The following RANBP3 variants were observed in gnomAD, a reference collection of about 807,000 sequenced individuals.
RANBP3 encodes the protein ran-binding protein 3.
In RANBP3, 14 loss-of-function variants were observed where a neutral mutation model predicts 77.3. That is an observed-to-expected ratio of 0.18 (90% CI 0.12 to 0.28). RANBP3 has a LOEUF of 0.28. Among genes scored for constraint, RANBP3 ranks in the 10% least tolerant of loss-of-function variants. The pLI, the probability that RANBP3 is intolerant of heterozygous loss-of-function variation, is 1.00. For synonymous variants in RANBP3, 315 were observed against 312.4 expected (o/e 1.01, Z -0.09); for missense variants, 586 against 752.3 (o/e 0.78, Z 2.59).
At chr19:5,977,864 C>T (rs902488982) in intron 1 of RANBP3, among the ~76,000 whole-genome samples, 197 bp downstream of exon 1, 1 of 152,142 alleles carries the variant, frequency 6.6e-6, no homozygotes, top group Admixed American at 6.5e-5. Flanking sequence ...CTGGGGTTGC[C>T]GGGAGTGATG....
At chr19:5,951,684 C>T (rs2058278439) in intron 2 of RANBP3, 88 bp from the exon 3 acceptor site, 7 of 1,246,916 alleles carry the variant, frequency 5.6e-6, no homozygotes, top group Non-Finnish European at 7.9e-6. Context: ...GAGGCTGGAG[C>T]TGGCTCAGCT....
At chr19:5,976,929 C>T (rs1338514926) in intron 1 of RANBP3, among the ~76,000 whole-genome samples, 2 of 152,300 alleles carry the variant, frequency 1.3e-5, no homozygotes, top group Middle Eastern at 3.4e-3. Flanking sequence ...CTGTGTGACA[C>T]GCCTTGGATA....
At chr19:5,945,785 C>G (rs1433683154) in intron 3 of RANBP3, among the ~76,000 whole-genome samples, 2 of 152,024 alleles carry the variant, frequency 1.3e-5, no homozygotes, top group Non-Finnish European at 2.9e-5. Context: ...GCAGCATGTC[C>G]AGGTCAAGAG....
intron 8 of RANBP3, among the ~76,000 whole-genome samples, chr19:5,929,650 T>C (rs1042639368): frequency 6.6e-6 from 1 of 152,172 alleles, no homozygotes; most frequent in Non-Finnish European, 1.5e-5. Context: ...CCCCCATGGG[T>C]CGCCCCCAAC....
chr19:5,959,049 T>C lies in RANBP3; in HGVS notation c.23-1076A>G, dbSNP rs893513484. ...CGACGAAGGCACTCTGCTTGGGCATTGACCTGGTCTGCTCTGGAGTCCAGG... is the reference window on the plus strand; with the variant it reads ...CGACGAAGGCACTCTGCTTGGGCATCGACCTGGTCTGCTCTGGAGTCCAGG... On this transcript the variant is annotated intron_variant, in intron 1 of 16. Coordinates refer to ENST00000340578, the MANE Select transcript of RANBP3 (RefSeq NM_007322.3). The surrounding 1 kb of genome is among the most constrained non-coding windows in gnomAD (Gnocchi z 5.1). 6.6e-6 allele frequency among the ~76,000 whole-genome samples: 1 copy of C among 152,170 alleles called. No homozygotes were observed. Among genetic ancestry groups the C allele is most frequent in the African/African-American group, 2.4e-5 (1 of 41,452 alleles).
Position 5,923,841 on chromosome 19 carries a change from G to A in RANBP3, c.1070C>T (p.Ser357Phe). 1.9e-6 allele frequency: 3 copies of A among 1,614,092 alleles called. No homozygotes were observed. The highest frequency in any genetic ancestry group is 2.5e-6 in the Non-Finnish European group (3 of 1,179,978). The change falls in exon 12 of 17, where the codon TCC (serine) becomes TTC (phenylalanine). Residue 357 changes from serine to phenylalanine, a missense_variant. By Grantham distance (155) the Ser-to-Phe change is radical. This residue lies in a region of RANBP3 where 232 missense variants were observed against 271.7 expected (regional missense o/e 0.85). Transcript: ENST00000340578. Reference sequence around the variant, plus strand: ...CTCAGGGGTGGCCTCCTGGGACGAGGACTCAGACCCTGACTCGGCAGCTGC... The same window carrying A: ...CTCAGGGGTGGCCTCCTGGGACGAGAACTCAGACCCTGACTCGGCAGCTGC... ...ENAAAESGSE[S>F]SSQEATPEKE...
At chr19:5,932,662 A>C (rs559281908) in intron 6 of RANBP3, 118 bp from the exon 7 acceptor site, 51 of 721,346 alleles carry the variant, frequency 7.1e-5, no homozygotes, top group Non-Finnish European at 7.0e-6. Flanking sequence ...TTTGCAGGGA[A>C]GCACTTTTTT....
rs2058284269 is a variant in RANBP3 at position 5,952,156 on chromosome 19, A to C, written c.79-560T>G. On this transcript the variant is annotated intron_variant, in intron 2 of 16. Transcript: ENST00000340578. The surrounding 1 kb of genome is among the most constrained non-coding windows in gnomAD (Gnocchi z 4.1). Reference sequence around the variant, plus strand: ...AGCACTTTCCATTTGTTCTGCTTACACCCAGGATCCAGAAAGTGCTTTCCC... The same window carrying C: ...AGCACTTTCCATTTGTTCTGCTTACCCCCAGGATCCAGAAAGTGCTTTCCC... Among the ~76,000 whole-genome samples the C allele has an allele frequency of 6.6e-6, 1 of 152,102 alleles. No individual in the cohort carries two copies. Among genetic ancestry groups the C allele is most frequent in the South Asian group, 2.1e-4 (1 of 4,830 alleles).
chr19:5,932,898 G>A (rs2058013446), intron 6 of RANBP3: 1 of 325,584 alleles, frequency 3.1e-6, no homozygotes, highest in Non-Finnish European at 5.7e-6. Context: ...GTGGGGTCAC[G>A]TACAGGCACA....
chr19:5,938,488 G>A (rs907001481), intron 5 of RANBP3, among the ~76,000 whole-genome samples: 2 of 152,148 alleles, frequency 1.3e-5, no homozygotes, highest in African/African-American at 4.8e-5. Flanking sequence ...TCAGGAGTTC[G>A]AGACCAGCCT....
chr19:5,962,089 G>T (rs2145231150), intron 1 of RANBP3, among the ~76,000 whole-genome samples: 1 of 152,180 alleles, frequency 6.6e-6, no homozygotes, highest in Middle Eastern at 3.4e-3. Context: ...GGAGACCACG[G>T]CCACAGCAGC....
Position 5,923,378 on chromosome 19 carries a change from G to A in RANBP3, c.1100-75C>T, listed in dbSNP as rs537020671. ...AGCCATCTCCCCTCATCCGACAGGA[G>A]ATGAGAGGGTTGGTTCTGGTCTCAA... On this transcript the variant is annotated intron_variant, in intron 12 of 16. Transcript: ENST00000340578. 2.0e-5 allele frequency: 29 copies of A among 1,461,008 alleles called. No individual in the cohort carries two copies. In the African/African-American group the frequency reaches 3.5e-4, roughly 17 times the overall value. The allele number at this position is 1,461,008 out of a possible 1,614,324, so 90.5% of individuals were successfully genotyped here.
At chr19:5,945,586 T>C (rs920326040) in intron 3 of RANBP3, among the ~76,000 whole-genome samples, 1 of 152,190 alleles carries the variant, frequency 6.6e-6, no homozygotes, top group Non-Finnish European at 1.5e-5. Context: ...AAGTCCTGTT[T>C]CCTTACTGAT....
chr19:5,941,608 T>G lies in RANBP3; in HGVS notation c.406+13A>C. 1 of 1,603,052 alleles carries G rather than the reference T, an allele frequency of 6.2e-7. No homozygotes were observed. The highest frequency in any genetic ancestry group is 8.5e-7 in the Non-Finnish European group (1 of 1,171,440). ...TAAACGCTTTCACCATTCCGTAAGT[T>G]TGCATATTTTACCTGACTGTGAGGG... On this transcript the variant is annotated intron_variant, in intron 5 of 16. Transcript: ENST00000340578.
chr19:5,972,729 G>A (rs544009783), intron 1 of RANBP3, among the ~76,000 whole-genome samples: 8 of 151,996 alleles, frequency 5.3e-5, no homozygotes, highest in Non-Finnish European at 1.2e-4. Context: ...CTGAACTCAC[G>A]TAGGAGGGCA....
intron 1 of RANBP3, among the ~76,000 whole-genome samples, chr19:5,974,184 C>T (rs964784326): frequency 1.3e-5 from 2 of 152,170 alleles, no homozygotes; most frequent in African/African-American, 2.4e-5. Context: ...GACAGCCCCT[C>T]CCGCCAAAGA....
intron 1 of RANBP3, among the ~76,000 whole-genome samples, chr19:5,977,361 AGAG>A (rs920286094): frequency 2.6e-5 from 4 of 152,178 alleles, no homozygotes; most frequent in African/African-American, 9.7e-5. Flanking sequence ...AGCGCTCCAC[AGAG>A]GAGGGACTCG....
chr19:5,963,687 C>A (rs2058430867), intron 1 of RANBP3, among the ~76,000 whole-genome samples: 1 of 152,234 alleles, frequency 6.6e-6, no homozygotes, highest in Non-Finnish European at 1.5e-5. Context: ...GTGGACAACA[C>A]TGGTGTGTGA....
chr19:5,926,208 G>C (rs886820409), intron 9 of RANBP3, among the ~76,000 whole-genome samples: 1 of 152,160 alleles, frequency 6.6e-6, no homozygotes, highest in Non-Finnish European at 1.5e-5. Context: ...GGATGTTAGG[G>C]ACCCTGTTTG....
Sources: allele counts gnomAD v4.1 joint callset (sites outside exome capture counted in the v4.1 genomes callset), GRCh38; gene constraint gnomAD v4.1.1; regional missense constraint gnomAD v4.1.1; non-coding constraint Gnocchi (gnomAD v3.1); transcripts MANE v1.5; gene names NCBI Gene and HGNC (gene_info 2026-07-23, HGNC 2026-07-21).